AGFG1: variants seen among roughly 807,000 people sequenced by gnomAD.
The protein encoded by AGFG1 is ArfGAP with FG repeats 1.
AGFG1 carries 10 observed loss-of-function variants against 60.6 expected under a neutral mutation model. That is an observed-to-expected ratio of 0.16 (90% CI 0.10 to 0.28). AGFG1 has a LOEUF of 0.28. AGFG1 is among the 10% of genes least tolerant of loss of function. AGFG1 has a pLI of 1.00. For synonymous variants in AGFG1, 247 were observed against 242.9 expected (o/e 1.02, Z -0.16); for missense variants, 537 against 676.5 (o/e 0.79, Z 2.29).
intron 10 of AGFG1, among the ~76,000 whole-genome samples, chr2:227,537,517 G>A (rs1204607401): frequency 1.3e-5 from 2 of 152,096 alleles, no homozygotes; most frequent in South Asian, 2.1e-4. Context: ...TGATTCAGTC[G>A]TGGGTATAAT....
chr2:227,472,900 C>T (rs1329686574), intron 1 of AGFG1, among the ~76,000 whole-genome samples: 1 of 151,258 alleles, frequency 6.6e-6, no homozygotes, highest in Non-Finnish European at 1.5e-5. Context: ...CGTCCCTGGT[C>T]TCCGTCGAGC....
intron 1 of AGFG1, among the ~76,000 whole-genome samples, chr2:227,480,475 C>G (rs954088290): frequency 6.6e-6 from 1 of 152,098 alleles, no homozygotes; most frequent in Non-Finnish European, 1.5e-5. Context: ...ACTCAGCTCA[C>G]TACAACTTTC....
rs145020211 is a variant in AGFG1, at chr2:227,555,468, A to AT, written c.*981dup. ...TGCAAAAGGCCTATTTTAACTATTG[A>AT]TTTTTTTTAAAAAAAATTGTCTTTG... On this transcript the variant is annotated 3_prime_UTR_variant, in exon 13 of 13. Transcript: ENST00000310078. 7,661 of 152,478 alleles carry AT rather than the reference A, an allele frequency of 0.05. 245 individuals are homozygous for AT. Among genetic ancestry groups the AT allele is most frequent in the African/African-American group, 0.097 (4,015 of 41,454 alleles). The allele number at this position is 152,478 out of a possible 1,614,324, so 9.4% of individuals were successfully genotyped here. A position where few individuals can be genotyped will look rare whatever the true frequency, so the allele number is the denominator to read the frequency against.
At chr2:227,495,140 T>C (rs987988687) in intron 2 of AGFG1, among the ~76,000 whole-genome samples, 7 of 152,208 alleles carry the variant, frequency 4.6e-5, no homozygotes, top group Admixed American at 2.6e-4. Flanking sequence ...ATATTTCGCA[T>C]TGGAGCACTT....
At chr2:227,545,858 C>T (rs777989139) in intron 10 of AGFG1, among the ~76,000 whole-genome samples, 4 of 152,296 alleles carry the variant, frequency 2.6e-5, no homozygotes, top group South Asian at 2.1e-4. Context: ...CTGGAAGCTT[C>T]GTCTCAGAGG....
chr2:227,494,858 G>A (rs898310974), intron 2 of AGFG1, among the ~76,000 whole-genome samples: 5 of 152,156 alleles, frequency 3.3e-5, no homozygotes, highest in Non-Finnish European at 7.4e-5. Flanking sequence ...AAAGGGCATG[G>A]ATACAATCAC....
intron 2 of AGFG1, among the ~76,000 whole-genome samples, chr2:227,504,187 A>AGT (rs1348940048): frequency 1.3e-5 from 2 of 148,324 alleles, no homozygotes; most frequent in African/African-American, 2.5e-5. Flanking sequence ...ACTTGGTGTA[A>AGT]ATTTTTTTTT....
intron 2 of AGFG1, among the ~76,000 whole-genome samples, chr2:227,511,832 TG>T (rs1575086368): frequency 6.6e-6 from 1 of 152,092 alleles, no homozygotes; most frequent in Admixed American, 6.6e-5. Context: ...GTGAAAATAA[TG>T]TGAGAGTGCG....
Position 227,516,576 on chromosome 2 carries a change from A to G in AGFG1, c.262-3372A>G, listed in dbSNP as rs544676311. Among the ~76,000 whole-genome samples, 4 of 152,302 alleles carry G rather than the reference A, an allele frequency of 2.6e-5. No individual in the cohort carries two copies. In the South Asian group the frequency reaches 8.3e-4, roughly 32 times the overall value. On this transcript the variant is annotated intron_variant, in intron 2 of 12. Transcript: ENST00000310078. Reference sequence around the variant, plus strand: ...CTAGCAGTGTGACCTTCCAGAGAGCAGGAACAGAACCACAGCAGTTAGTAA... The same window carrying G: ...CTAGCAGTGTGACCTTCCAGAGAGCGGGAACAGAACCACAGCAGTTAGTAA...
intron 1 of AGFG1, among the ~76,000 whole-genome samples, chr2:227,472,929 C>G (rs1054751269): frequency 2.0e-5 from 3 of 150,326 alleles, no homozygotes; most frequent in Non-Finnish European, 4.4e-5. Flanking sequence ...GCCGCCCTCG[C>G]TCTCCAGCTA....
At chr2:227,541,004 G>A (rs1371413137) in intron 10 of AGFG1, among the ~76,000 whole-genome samples, 1 of 152,230 alleles carries the variant, frequency 6.6e-6, no homozygotes, top group African/African-American at 2.4e-5. Context: ...CTTTTGAGAA[G>A]TGTCTGTTCA....
intron 9 of AGFG1, 92 bp downstream of exon 9, chr2:227,536,796 A>G: frequency 1.3e-6 from 2 of 1,546,630 alleles, no homozygotes; most frequent in South Asian, 2.3e-5. Flanking sequence ...ATGATTTGTT[A>G]TCAGAATCCT....
In AGFG1 at chr2:227,475,322, G is replaced by A. The variant is rs141485930; in HGVS notation, c.167+2734G>A. Among the ~76,000 whole-genome samples, 3 of 152,226 alleles carry A rather than the reference G, an allele frequency of 2.0e-5. No homozygotes were observed. In the East Asian group the frequency reaches 5.8e-4, roughly 29 times the overall value. On this transcript the variant is annotated intron_variant, in intron 1 of 12. Coordinates refer to ENST00000310078, the MANE Select transcript of AGFG1 (RefSeq NM_004504.5). ...GAAGTTCTGCATTTCCCTCTGATTGGGTTAGCTTAGATCATGCCACAACTG... is the reference window on the plus strand; with the variant it reads ...GAAGTTCTGCATTTCCCTCTGATTGAGTTAGCTTAGATCATGCCACAACTG...
In AGFG1 at chr2:227,520,826, A is replaced by G. The variant is rs924571811; in HGVS notation, c.377+763A>G. Among the ~76,000 whole-genome samples the G allele has an allele frequency of 1.8e-4, 28 of 152,186 alleles. 1 individual carries two copies. Among genetic ancestry groups the G allele is most frequent in the Admixed American group, 1.8e-3 (28 of 15,282 alleles). On this transcript the variant is annotated intron_variant, in intron 3 of 12. Transcript: ENST00000310078. ...TGGATACTTTCATCTTGGGAGGTTA[A>G]CAAGATGGGGCAGAGAGTCAAAATA...
At chr2:227,538,963 A>AT (rs1692396014) in intron 10 of AGFG1, among the ~76,000 whole-genome samples, 1 of 152,192 alleles carries the variant, frequency 6.6e-6, no homozygotes, top group Admixed American at 6.5e-5. Flanking sequence ...GTCATTTTGA[A>AT]TTTATCACGT....
intron 1 of AGFG1, among the ~76,000 whole-genome samples, chr2:227,485,958 A>C (rs1347789163): frequency 1.3e-5 from 2 of 152,122 alleles, no homozygotes; most frequent in African/African-American, 4.8e-5. Context: ...GATAATTTTT[A>C]CTGCAGCCTC....
intron 3 of AGFG1, among the ~76,000 whole-genome samples, chr2:227,521,628 T>C (rs965169295): frequency 1.6e-4 from 24 of 152,330 alleles, no homozygotes; most frequent in African/African-American, 5.8e-4. Context: ...TCTCCTTACA[T>C]AGCCCTAACC....
chr2:227,498,144 T>A (rs1311145463), intron 2 of AGFG1, among the ~76,000 whole-genome samples: 1 of 151,870 alleles, frequency 6.6e-6, no homozygotes, highest in African/African-American at 2.4e-5. Flanking sequence ...TTTTTAAAAT[T>A]AAAAAAAAAT....
intron 2 of AGFG1, among the ~76,000 whole-genome samples, chr2:227,515,357 TATTG>T (rs1192986030): frequency 6.6e-6 from 1 of 152,186 alleles, no homozygotes; most frequent in African/African-American, 2.4e-5. Flanking sequence ...TTAGACCTTT[TATTG>T]ATTGATAACT....
Sources: allele counts gnomAD v4.1 joint callset (sites outside exome capture counted in the v4.1 genomes callset), GRCh38; gene constraint gnomAD v4.1.1; transcripts MANE v1.5; gene names NCBI Gene and HGNC (gene_info 2026-07-23, HGNC 2026-07-21).